The following VAV1 variants were observed in gnomAD, a reference collection of about 807,000 sequenced individuals.
VAV1 encodes the protein vav guanine nucleotide exchange factor 1.
Under a neutral mutation model 128.1 loss-of-function variants are expected in VAV1, and 33 were observed. The observed-to-expected ratio is 0.26, with a 90% CI of 0.20 to 0.34. VAV1 has a LOEUF of 0.34. VAV1 is among the 10% of genes least tolerant of loss of function. The pLI is 1.00. For synonymous variants in VAV1, 394 were observed against 409.8 expected (o/e 0.96, Z 0.47); for missense variants, 715 against 1,093.7 (o/e 0.65, Z 4.88).
chr19:6,816,821 G>A (rs1359272933), intron 1 of VAV1, among the ~76,000 whole-genome samples: 2 of 151,726 alleles, frequency 1.3e-5, no homozygotes, highest in Non-Finnish European at 1.5e-5. Context: ...AAAATCAGCT[G>A]GACGTGGTGG....
At chr19:6,831,952 A>T in intron 14 of VAV1, 139 bp from the exon 15 acceptor site, 8 of 655,578 alleles carry the variant, frequency 1.2e-5, no homozygotes, top group Non-Finnish European at 1.0e-5. Flanking sequence ...GCCCTTTTAC[A>T]AGGATATCCA....
intron 1 of VAV1, among the ~76,000 whole-genome samples, chr19:6,806,249 G>A (rs1971394565): frequency 6.6e-6 from 1 of 152,082 alleles, no homozygotes; most frequent in African/African-American, 2.4e-5. Flanking sequence ...ACCACGCCCA[G>A]CTAATTTTTG....
At chr19:6,844,054 CTTCTTCTTCTTTTTTTTTTTTTTTTTTT>C (rs1334282930) in intron 22 of VAV1, among the ~76,000 whole-genome samples, 2 of 18,934 alleles carry the variant, frequency 1.1e-4, no homozygotes, top group Non-Finnish European at 2.7e-4. Flanking sequence ...TTCTTTTCTT[CTTCTTCTTCTTTTTTTTTTTTTTTTTTT>C]TTTTTTTTTT....
intron 26 of VAV1, among the ~76,000 whole-genome samples, chr19:6,854,888 G>A (rs890428540): frequency 3.9e-5 from 6 of 152,114 alleles, no homozygotes; most frequent in Non-Finnish European, 7.4e-5. Context: ...TGTGTTGGGG[G>A]AAAGCATTCC....
At chr19:6,810,441 T>C (rs1438815563) in intron 1 of VAV1, among the ~76,000 whole-genome samples, 1 of 152,214 alleles carries the variant, frequency 6.6e-6, no homozygotes, top group Non-Finnish European at 1.5e-5. Context: ...CAGTGGTTCA[T>C]GCCTTTAATC....
At chr19:6,814,674 T>TCCTTCCTTTCTCTCTCTCTCTCTC (rs1568299208) in intron 1 of VAV1, among the ~76,000 whole-genome samples, 5 of 95,234 alleles carry the variant, frequency 5.3e-5, no homozygotes, top group Admixed American at 3.5e-4. Context: ...CTTCCTTCCT[T>TCCTTCCTTTCTCTCTCTCTCTCTC]TCTTTCTTTC....
chr19:6,795,271 A>C (rs1325147621), intron 1 of VAV1, among the ~76,000 whole-genome samples: 1 of 152,054 alleles, frequency 6.6e-6, no homozygotes. Context: ...TCTTCCTGGC[A>C]GCGCAAAACA....
In VAV1 at chr19:6,774,881, A is replaced by AGCCT. The variant is rs1568278247; in HGVS notation, c.204+1871_204+1872insCCTG. Among the ~76,000 whole-genome samples, 79 of 150,880 alleles carry AGCCT rather than the reference A, an allele frequency of 5.2e-4. 2 individuals are homozygous for AGCCT. In the East Asian group the frequency reaches 0.014, roughly 27 times the overall value. The stretch of plus-strand genomic sequence containing the variant: ...GTGGTTCTCCTGTCCCAGCCTCCCA[A>AGCCT]GTAGCTGCGACTACAGGCACACATC... On this transcript the variant is annotated intron_variant, in intron 1 of 26. Coordinates refer to ENST00000602142, the MANE Select transcript of VAV1 (RefSeq NM_005428.4).
chr19:6,792,271 G>A (rs992186446), intron 1 of VAV1, among the ~76,000 whole-genome samples: 2 of 152,112 alleles, frequency 1.3e-5, no homozygotes, highest in Non-Finnish European at 2.9e-5. Flanking sequence ...CCTCGACTGG[G>A]AGTTGGGAGT....
At chr19:6,851,480 C>A (rs903171094) in intron 24 of VAV1, among the ~76,000 whole-genome samples, 2 of 152,082 alleles carry the variant, frequency 1.3e-5, no homozygotes, top group Non-Finnish European at 2.9e-5. Flanking sequence ...CTGCATTCAG[C>A]CCTCAAATAT....
intron 6 of VAV1, among the ~76,000 whole-genome samples, chr19:6,823,050 C>A (rs940721169): frequency 1.3e-4 from 19 of 146,768 alleles, no homozygotes; most frequent in Non-Finnish European, 2.2e-4. Context: ...TTTTAATATA[C>A]AAGATATATG....
chr19:6,814,785 T>C (rs2144756732), intron 1 of VAV1, among the ~76,000 whole-genome samples: 2 of 150,548 alleles, frequency 1.3e-5, no homozygotes, highest in South Asian at 4.2e-4. Context: ...CAATACAATG[T>C]TGAATAGAAA....
At chr19:6,799,236 C>T (rs1362975154) in intron 1 of VAV1, among the ~76,000 whole-genome samples, 1 of 152,158 alleles carries the variant, frequency 6.6e-6, no homozygotes, top group East Asian at 1.9e-4. Flanking sequence ...GGCGCAATCT[C>T]GGCTCACTGC....
At chr19:6,819,454 A>G (rs1971735504) in intron 1 of VAV1, among the ~76,000 whole-genome samples, 1 of 152,216 alleles carries the variant, frequency 6.6e-6, no homozygotes, top group Non-Finnish European at 1.5e-5. Context: ...TATGAATAGA[A>G]TTGTACAATA....
rs1360174946 is a variant in VAV1, at chr19:6,848,068, G to A, written c.2083G>A (p.Val695Met). 6.4e-7 allele frequency: 1 copy of A among 1,552,332 alleles called. No individual in the cohort carries two copies. ...CAACCGCTCGGACGGGACTTTCTTG[G>A]TGCGGCAGAGGGTGAAGGATGCAGC... is the stretch of plus-strand genomic sequence containing the variant. Reference protein sequence around the residue: ...LANRSDGTFLVRQRVKDAAEF... With the variant: ...LANRSDGTFLMRQRVKDAAEF... Residue 695 changes from valine (V) to methionine (M), a missense_variant, in exon 23 of 27, where the codon GTG becomes ATG. Val to Met is a conservative substitution (Grantham distance 21). Transcript: ENST00000602142.
chr19:6,836,419 C>T lies in VAV1; in HGVS notation c.1778-13C>T. 6.2e-7 allele frequency: 1 copy of T among 1,613,692 alleles called. No homozygotes were observed. The highest frequency in any genetic ancestry group is 8.5e-7 in the Non-Finnish European group (1 of 1,179,742). ...CTGCCAACCACCCTGTACTCCTGTACCCTGTCCTCCAGGTCTGCCCAAGAT... is the reference window on the plus strand; with the variant it reads ...CTGCCAACCACCCTGTACTCCTGTATCCTGTCCTCCAGGTCTGCCCAAGAT... On this transcript the variant is annotated splice_polypyrimidine_tract_variant and intron_variant, in intron 19 of 26. Transcript: ENST00000602142.
At chr19:6,842,986 C>A (rs1972416485) in intron 21 of VAV1, 149 bp from the exon 22 acceptor site, 3 of 795,616 alleles carry the variant, frequency 3.8e-6, no homozygotes, top group South Asian at 1.8e-5. Flanking sequence ...GGGACTTTAT[C>A]CCCAGTGAGT....
chr19:6,806,653 T>G (rs1200541592), intron 1 of VAV1, among the ~76,000 whole-genome samples: 2 of 152,150 alleles, frequency 1.3e-5, no homozygotes, highest in African/African-American at 4.8e-5. Context: ...AGCTGGAGCT[T>G]AAGATCCGGG....
chr19:6,788,472 A>G (rs1201880453), intron 1 of VAV1, among the ~76,000 whole-genome samples: 2 of 148,256 alleles, frequency 1.3e-5, no homozygotes, highest in African/African-American at 5.2e-5. Flanking sequence ...TCCTGGGTTC[A>G]AGTAATTCTT....
Sources: gnomAD v4.1 joint callset for allele counts (sites outside exome capture counted in the v4.1 genomes callset) on GRCh38, gnomAD v4.1.1 for gene constraint, MANE v1.5 for transcripts, NCBI Gene and HGNC (gene_info 2026-07-23, HGNC 2026-07-21) for gene names.